Variants in RAD51B observed in about 807,000 individuals in gnomAD.
RAD51B encodes DNA repair protein RAD51 homolog 2.
A neutral mutation model predicts 42.2 loss-of-function variants in RAD51B; 38 were observed. The observed-to-expected ratio is 0.90, with a 90% CI of 0.70 to 1.18. The LOEUF is 1.18. Ranked by LOEUF, RAD51B falls within the 50% of genes most tolerant of loss-of-function variation. The pLI, the probability that RAD51B is intolerant of heterozygous loss-of-function variation, is 0.00. For missense variants in RAD51B, 373 were observed against 400.7 expected (o/e 0.93, Z 0.59); for synonymous variants, 154 against 145.2 (o/e 1.06, Z -0.43).
At chr14:68,534,025 A>G (rs2140354764) in intron 10 of RAD51B, among the ~76,000 whole-genome samples, 1 of 152,362 alleles carries the variant, frequency 6.6e-6, no homozygotes, top group African/African-American at 2.4e-5. Flanking sequence ...GATAAATAGA[A>G]CAAAACAAAG....
At chr14:68,033,772 C>T (rs1595291744) in intron 7 of RAD51B, among the ~76,000 whole-genome samples, 1 of 152,254 alleles carries the variant, frequency 6.6e-6, no homozygotes, top group East Asian at 1.9e-4. Context: ...CTCTTTTTCC[C>T]AGTCACCATT....
chr14:67,905,630 C>G (rs1052219736), intron 7 of RAD51B, among the ~76,000 whole-genome samples: 2 of 152,002 alleles, frequency 1.3e-5, no homozygotes, highest in Non-Finnish European at 2.9e-5. Context: ...TTTTTCACCT[C>G]CCTGGTTAGC....
chr14:68,060,282 T>G (rs1310997999), intron 7 of RAD51B, among the ~76,000 whole-genome samples: 1 of 152,200 alleles, frequency 6.6e-6, no homozygotes, highest in Non-Finnish European at 1.5e-5. Context: ...TAATTTTAAT[T>G]GGATTTTGTA....
At chr14:68,181,844 C>T (rs2079066256) in intron 7 of RAD51B, among the ~76,000 whole-genome samples, 1 of 152,196 alleles carries the variant, frequency 6.6e-6, no homozygotes, top group African/African-American at 2.4e-5. Context: ...CTCAGAATTA[C>T]ACGGTGAGTC....
intron 11 of RAD51B, among the ~76,000 whole-genome samples, chr14:68,664,916 G>A (rs1349402396): frequency 6.6e-6 from 1 of 152,158 alleles, no homozygotes; most frequent in Non-Finnish European, 1.5e-5. Context: ...CCTCTTCTCA[G>A]CCTCTTCTGC....
chr14:67,960,086 A>G (rs563527047), intron 7 of RAD51B, among the ~76,000 whole-genome samples: 2 of 146,150 alleles, frequency 1.4e-5, no homozygotes, highest in African/African-American at 2.4e-5. Context: ...CTCCATCTCA[A>G]AAAAAAAAAA....
At chr14:68,425,972 C>CTTTCTTTCTTTG (rs1201664663) in intron 9 of RAD51B, among the ~76,000 whole-genome samples, 1 of 121,068 alleles carries the variant, frequency 8.3e-6, no homozygotes, top group East Asian at 2.2e-4. Flanking sequence ...TTCTTTCTTT[C>CTTTCTTTCTTTG]TTTCTTCCTT....
chr14:67,900,555 A>G (rs1258970494), intron 7 of RAD51B, among the ~76,000 whole-genome samples: 2 of 150,554 alleles, frequency 1.3e-5, no homozygotes, highest in Non-Finnish European at 3.0e-5. Flanking sequence ...TAAAACTTAA[A>G]GTAGGTATTT....
intron 7 of RAD51B, among the ~76,000 whole-genome samples, chr14:68,030,454 C>T (rs568032466): frequency 3.1e-4 from 47 of 152,296 alleles, no homozygotes; most frequent in East Asian, 1.5e-3. Flanking sequence ...TGGAATGGAA[C>T]GGCTTCTTTC....
chr14:68,580,662 G>A (rs373141056), intron 10 of RAD51B, among the ~76,000 whole-genome samples: 1 of 152,052 alleles, frequency 6.6e-6, no homozygotes, highest in Non-Finnish European at 1.5e-5. Flanking sequence ...AGGTGCACAC[G>A]CCTGCCCCAC....
intron 8 of RAD51B, among the ~76,000 whole-genome samples, chr14:68,303,457 TAA>T (rs58955054): frequency 0.53 from 73,866 of 138,806 alleles, 20,191 homozygotes; most frequent in South Asian, 0.67. Context: ...TAAAGTATAA[TAA>T]AAAAAAAAAA....
chr14:68,537,909 C>T (rs912134284), intron 10 of RAD51B, among the ~76,000 whole-genome samples: 2 of 152,042 alleles, frequency 1.3e-5, no homozygotes, highest in African/African-American at 2.4e-5. Context: ...AACTGGTTCA[C>T]GAAAAGATGA....
chr14:68,641,331 C>T (rs1432340721), intron 10 of RAD51B, among the ~76,000 whole-genome samples: 2 of 152,168 alleles, frequency 1.3e-5, no homozygotes, highest in South Asian at 2.1e-4. Flanking sequence ...ACTATAATTG[C>T]TCGAAGTCCC....
intron 10 of RAD51B, among the ~76,000 whole-genome samples, chr14:68,637,911 T>G (rs1406332964): frequency 6.6e-6 from 1 of 152,254 alleles, no homozygotes; most frequent in Admixed American, 6.5e-5. Context: ...AAACCTCACC[T>G]TCTGCCTCAG....
At chr14:68,198,953 A>G (rs1054052914) in intron 7 of RAD51B, among the ~76,000 whole-genome samples, 2 of 152,148 alleles carry the variant, frequency 1.3e-5, no homozygotes, top group African/African-American at 2.4e-5. Context: ...ATATTGAGCT[A>G]GTTTTCTGCC....
At chr14:68,035,156 T>C (rs1281209184) in intron 7 of RAD51B, among the ~76,000 whole-genome samples, 1 of 152,232 alleles carries the variant, frequency 6.6e-6, no homozygotes, top group African/African-American at 2.4e-5. Flanking sequence ...ATTATACTCA[T>C]GGATTTTATT....
chr14:67,900,257 C>T (rs1010209662), intron 7 of RAD51B, among the ~76,000 whole-genome samples: 1 of 152,150 alleles, frequency 6.6e-6, no homozygotes. Context: ...AGTGAATATA[C>T]TGAAGACTTG....
In RAD51B at chr14:68,268,675, C is replaced by T. The variant is rs573349714; in HGVS notation, c.757-23209C>T. 2.1e-4 allele frequency among the ~76,000 whole-genome samples: 32 copies of T among 152,252 alleles called. No homozygotes were observed. In the South Asian group the frequency reaches 3.9e-3, roughly 19 times the overall value. On this transcript the variant is annotated intron_variant, in intron 7 of 10. Transcript: ENST00000471583. ...ATATATGTGAAGATAGCTGTGTATA[C>T]CACTGTGGATATTTTCCCTCTTTTG... is the stretch of plus-strand genomic sequence containing the variant.
chr14:68,429,133 T>G (rs1167424652), intron 9 of RAD51B, among the ~76,000 whole-genome samples: 3 of 152,178 alleles, frequency 2.0e-5, no homozygotes, highest in Non-Finnish European at 4.4e-5. Context: ...ATGTGCCACA[T>G]TTTCTTAATC....
Sources: allele counts gnomAD v4.1 joint callset (sites outside exome capture counted in the v4.1 genomes callset), GRCh38; gene constraint gnomAD v4.1.1; transcripts MANE v1.5; gene names NCBI Gene and HGNC (gene_info 2026-07-23, HGNC 2026-07-21).